Variants in WDR20 observed in about 807,000 individuals in gnomAD.
WDR20 encodes WD repeat-containing protein 20.
In WDR20, 3 loss-of-function variants were observed where a neutral mutation model predicts 38.7. The ratio of observed to expected loss-of-function variants is 0.08; its 90% confidence interval spans 0.04 to 0.20. WDR20 has a LOEUF of 0.20. Among genes scored for constraint, WDR20 ranks in the 10% least tolerant of loss-of-function variants. The probability of loss-of-function intolerance (pLI) is 1.00; values close to 1 mark genes in which losing one functional copy is unlikely to be tolerated. For synonymous variants in WDR20, 298 were observed against 285.6 expected, an observed-to-expected ratio of 1.04 and a Z score of -0.44; for missense variants, 559 against 727.7, an observed-to-expected ratio of 0.77 and a Z score of 2.67.
intron 1 of WDR20, among the ~76,000 whole-genome samples, chr14:102,173,431 A>T (rs57033871): frequency 0.012 from 1,503 of 129,482 alleles, 28 homozygotes; most frequent in African/African-American, 0.032. Flanking sequence ...TTCTTTTTTT[A>T]AAATTATTAT....
chr14:102,209,475 T>C lies in WDR20; in HGVS notation c.1305T>C (p.Leu435=). 6.2e-7 allele frequency: 1 copy of C among 1,614,170 alleles called. No homozygotes were observed. Among genetic ancestry groups the C allele is most frequent in the Non-Finnish European group, 8.5e-7 (1 of 1,180,028 alleles). Residue 435 remains leucine (L), a synonymous_variant, in exon 3 of 3, where the codon CTT becomes CTC. Transcript: ENST00000342702. The surrounding 1 kb of genome is among the most constrained non-coding windows in gnomAD (Gnocchi z 6.0). ...CTCCTCTGCCACGGTCCAACAGCCT[T>C]CCACATTCAGCAGTCTCAAATGCTG... ...VPPPLPRSNS[L]PHSAVSNAGS...
chr14:102,189,141 C>T (rs1350576704), intron 1 of WDR20, among the ~76,000 whole-genome samples: 1 of 151,882 alleles, frequency 6.6e-6, no homozygotes, highest in Non-Finnish European at 1.5e-5. Context: ...ACCCGGGAGG[C>T]AGAGGTCGCA....
intron 2 of WDR20, among the ~76,000 whole-genome samples, chr14:102,199,140 C>T (rs2152963215): frequency 6.6e-6 from 1 of 152,180 alleles, no homozygotes; most frequent in Admixed American, 6.5e-5. Flanking sequence ...ATTACCACGA[C>T]ATTTACAACT....
intron 1 of WDR20, among the ~76,000 whole-genome samples, chr14:102,194,334 G>A (rs1879572041): frequency 6.6e-6 from 1 of 152,234 alleles, no homozygotes; most frequent in Non-Finnish European, 1.5e-5. Context: ...GTGGGCTCCA[G>A]CAGTGGTTCT....
At chr14:102,214,182 G>C (rs766728649), downstream of WDR20, 4 of 985,534 alleles carry the variant, frequency 4.1e-6, no homozygotes, top group African/African-American at 7.0e-5. Flanking sequence ...CGCCTCCTCC[G>C]GTCTGGTCTG....
intron 2 of WDR20, among the ~76,000 whole-genome samples, chr14:102,199,112 G>A (rs1456325508): frequency 6.6e-5 from 10 of 152,026 alleles, no homozygotes; most frequent in Admixed American, 5.9e-4. Context: ...TTTCAAAGGG[G>A]CACTTAACAC....
chr14:102,218,062 G>C (rs571209613), downstream of WDR20, among the ~76,000 whole-genome samples: 65 of 152,342 alleles, frequency 4.3e-4, no homozygotes, highest in African/African-American at 1.5e-3. Context: ...GGATGTTGTG[G>C]CTGTGTAGAA....
intron 1 of WDR20, among the ~76,000 whole-genome samples, chr14:102,173,000 A>G (rs1228818158): frequency 4.1e-5 from 6 of 145,324 alleles, no homozygotes; most frequent in African/African-American, 1.5e-4. Flanking sequence ...CACTCCCCAC[A>G]TCTCAGACGA....
At chr14:102,214,552 G>T (rs535145723), downstream of WDR20, 1 of 985,294 alleles carries the variant, frequency 1.0e-6, no homozygotes, top group South Asian at 4.7e-5. Context: ...GTCATAAATT[G>T]CTATCCTTTC....
At chr14:102,194,733 T>C (rs2059131694) in intron 1 of WDR20, among the ~76,000 whole-genome samples, 1 of 152,260 alleles carries the variant, frequency 6.6e-6, no homozygotes, top group Admixed American at 6.5e-5. Flanking sequence ...AAACATATTA[T>C]AGATAGTCTA....
Position 102,222,940 on chromosome 14 carries a change from G to C in WDR20, c.*57G>C. On this transcript the variant is annotated 3_prime_UTR_variant, in exon 4 of 4. Transcript: ENST00000335263. This position sits in a 1 kb window ranked among gnomAD's most constrained non-coding sequence, Gnocchi z 4.4. ...GACTTGGACTCGAGGGAGTGACGAG[G>C]AGGAGCTCCGAGCTGCGCCTGAGCC... is the stretch of plus-strand genomic sequence containing the variant. 6.2e-7 allele frequency: 1 copy of C among 1,603,098 alleles called. No individual in the cohort carries two copies. The highest frequency in any genetic ancestry group is 8.5e-7 in the Non-Finnish European group (1 of 1,171,372).
chr14:102,205,327 T>C (rs2061334038), intron 2 of WDR20, among the ~76,000 whole-genome samples: 1 of 151,198 alleles, frequency 6.6e-6, no homozygotes, highest in African/African-American at 2.4e-5. Context: ...CTCCCTTTGG[T>C]ATGAAAAAGA....
At chr14:102,181,187 G>A (rs1045449725) in intron 1 of WDR20, among the ~76,000 whole-genome samples, 1 of 152,066 alleles carries the variant, frequency 6.6e-6, no homozygotes, top group African/African-American at 2.4e-5. Context: ...ATGAGTTTGG[G>A]TAAGTCTTCT....
intron 1 of WDR20, among the ~76,000 whole-genome samples, chr14:102,175,040 G>T (rs143089724): frequency 1.3e-5 from 2 of 152,276 alleles, no homozygotes; most frequent in East Asian, 3.9e-4. Flanking sequence ...TTCTTTTGCT[G>T]TGCAGAAGTT....
At chr14:102,202,629 C>A (rs1033838868) in intron 2 of WDR20, among the ~76,000 whole-genome samples, 4 of 152,114 alleles carry the variant, frequency 2.6e-5, no homozygotes, top group African/African-American at 4.8e-5. Flanking sequence ...ATCCGCCCGC[C>A]TTGGCCTCCC....
chr14:102,208,739 A>G lies in WDR20; in HGVS notation c.569A>G (p.Tyr190Cys). The change falls in exon 3 of 3, where the codon TAC (tyrosine) becomes TGC (cysteine). Residue 190 changes from tyrosine (Y) to cysteine (C), a missense_variant. Transcript: ENST00000342702. The surrounding 1 kb of genome is among the most constrained non-coding windows in gnomAD (Gnocchi z 5.6). ...ACTTGTGGCACCACAGCCCCCCACT[A>G]CCAGCTTCTGAAGCAGGGAGAGAGC... ...EHTCGTTAPH[Y>C]QLLKQGESFA... 1 of 1,614,134 alleles carries G rather than the reference A, an allele frequency of 6.2e-7. No individual in the cohort carries two copies. Among genetic ancestry groups the G allele is most frequent in the Non-Finnish European group, 8.5e-7 (1 of 1,180,018 alleles).
intron 1 of WDR20, among the ~76,000 whole-genome samples, chr14:102,186,168 A>G (rs1250838189): frequency 1.3e-5 from 2 of 152,244 alleles, no homozygotes; most frequent in Non-Finnish European, 2.9e-5. Flanking sequence ...TGTTAATGCC[A>G]ACTGTTCAGA....
intron 1 of WDR20, among the ~76,000 whole-genome samples, chr14:102,181,763 A>G (rs1045250422): frequency 3.3e-5 from 5 of 152,030 alleles, no homozygotes; most frequent in Admixed American, 6.6e-5. Flanking sequence ...ATGAGTGGTA[A>G]GCTTAGCATA....
In WDR20 at chr14:102,222,059, A is replaced by G. The variant is rs2063952925; in HGVS notation, c.1693-771A>G. Among the ~76,000 whole-genome samples, 1 of 152,180 alleles carries G rather than the reference A, an allele frequency of 6.6e-6. No individual in the cohort carries two copies. The highest frequency in any genetic ancestry group is 2.4e-5 in the African/African-American group (1 of 41,436). Reference sequence around the variant, plus strand: ...TCTTAGGTTTACCCAAGGTCACACCAGTATTGTAAAATCTGGGTGAGATTC... The same window carrying G: ...TCTTAGGTTTACCCAAGGTCACACCGGTATTGTAAAATCTGGGTGAGATTC... On this transcript the variant is annotated intron_variant, in intron 3 of 3. Transcript: ENST00000335263. This position sits in a 1 kb window ranked among gnomAD's most constrained non-coding sequence, Gnocchi z 4.4.
Sources: allele counts gnomAD v4.1 joint callset (sites outside exome capture counted in the v4.1 genomes callset), GRCh38; gene constraint gnomAD v4.1.1; non-coding constraint Gnocchi (gnomAD v3.1); transcripts MANE v1.5; gene names NCBI Gene and HGNC (gene_info 2026-07-23, HGNC 2026-07-21).